PTPRT: variants seen among roughly 807,000 people sequenced by gnomAD.
PTPRT encodes receptor-type tyrosine-protein phosphatase T.
Under a neutral mutation model 176.8 loss-of-function variants are expected in PTPRT, and 56 were observed. The ratio of observed to expected loss-of-function variants is 0.32; its 90% CI spans 0.26 to 0.40. The LOEUF (loss-of-function observed/expected upper bound fraction) is 0.40, where lower values mean the gene tolerates loss of function less well. Ranked by LOEUF, PTPRT falls within the 10% of genes least tolerant of loss-of-function variation. PTPRT has a pLI of 1.00. For missense variants in PTPRT, 1,540 were observed against 1,908.2 expected, an observed-to-expected ratio of 0.81 and a Z score of 3.60; for synonymous variants, 783 against 739.0, an observed-to-expected ratio of 1.06 and a Z score of -0.96.
At chr20:42,060,312 CA>C in the PTPRT span, among the ~76,000 whole-genome samples, 1 of 152,166 alleles carries the variant, frequency 6.6e-6, no homozygotes, top group Admixed American at 6.5e-5. Context: ...TTGACCTTCA[CA>C]GATCCAAGCC....
intron 7 of PTPRT, among the ~76,000 whole-genome samples, chr20:42,569,090 A>ATTTT (rs1271635197): frequency 2.2e-4 from 23 of 106,368 alleles, no homozygotes; most frequent in African/African-American, 8.6e-4. Flanking sequence ...AAATATATAT[A>ATTTT]TATATATATA....
intron 6 of PTPRT, among the ~76,000 whole-genome samples, chr20:42,748,181 T>C (rs1239713624): frequency 6.6e-6 from 1 of 152,174 alleles, no homozygotes; most frequent in Non-Finnish European, 1.5e-5. Flanking sequence ...GCTGAAACTA[T>C]TGACTCTAAT....
chr20:42,954,588 C>T (rs563713826), intron 1 of PTPRT, among the ~76,000 whole-genome samples: 3 of 151,876 alleles, frequency 2.0e-5, no homozygotes, highest in Non-Finnish European at 4.4e-5. Context: ...ATAGAAGATG[C>T]TCAGTCAACG....
chr20:42,702,469 T>C (rs2075987930), intron 6 of PTPRT, among the ~76,000 whole-genome samples: 2 of 152,194 alleles, frequency 1.3e-5, no homozygotes, highest in African/African-American at 2.4e-5. Flanking sequence ...TTTCCAGTCC[T>C]GAATGCATTC....
At chr20:42,729,770 G>C (rs539958109) in intron 6 of PTPRT, among the ~76,000 whole-genome samples, 2 of 152,242 alleles carry the variant, frequency 1.3e-5, no homozygotes, top group East Asian at 1.9e-4. Flanking sequence ...GACTTGACTG[G>C]AGGCTCTCCC....
chr20:42,888,635 C>T (rs1338305363), intron 1 of PTPRT, among the ~76,000 whole-genome samples: 1 of 152,172 alleles, frequency 6.6e-6, no homozygotes, highest in Non-Finnish European at 1.5e-5. Context: ...ATTATTCCCC[C>T]AAACCAAGGA....
At chr20:42,879,699 C>T (rs888545701) in intron 2 of PTPRT, among the ~76,000 whole-genome samples, 3 of 151,726 alleles carry the variant, frequency 2.0e-5, no homozygotes, top group East Asian at 1.9e-4. Flanking sequence ...ACCCTGGAGA[C>T]GGTGCTGCTT....
chr20:42,486,839 A>T (rs2071472558), intron 7 of PTPRT, among the ~76,000 whole-genome samples: 1 of 152,104 alleles, frequency 6.6e-6, no homozygotes. Context: ...AAGCCAACCC[A>T]TGTAGGAGCT....
intron 26 of PTPRT, among the ~76,000 whole-genome samples, chr20:42,099,175 TATTCATTC>T (rs1600503749): frequency 6.6e-6 from 1 of 151,888 alleles, no homozygotes; most frequent in South Asian, 2.1e-4. Flanking sequence ...TTTGCCCATT[TATTCATTC>T]ATCCATTCAT....
At chr20:42,849,779 C>A (rs765976556) in intron 2 of PTPRT, among the ~76,000 whole-genome samples, 2 of 152,208 alleles carry the variant, frequency 1.3e-5, no homozygotes, top group Non-Finnish European at 2.9e-5. Flanking sequence ...TTTTCTAGAA[C>A]AGCACCCAAC....
At chr20:43,113,229 G>T (rs935010670) in intron 1 of PTPRT, among the ~76,000 whole-genome samples, 1 of 152,180 alleles carries the variant, frequency 6.6e-6, no homozygotes, top group African/African-American at 2.4e-5. Context: ...CATCCATGAT[G>T]AACTTTGCTG....
intron 1 of PTPRT, among the ~76,000 whole-genome samples, chr20:43,159,417 C>A (rs1368776754): frequency 4.6e-5 from 7 of 152,204 alleles, no homozygotes. Flanking sequence ...GGCAATTCAC[C>A]CAGCTTCTCT....
chr20:42,737,141 G>A (rs1339290234), intron 6 of PTPRT, among the ~76,000 whole-genome samples: 4 of 152,186 alleles, frequency 2.6e-5, no homozygotes, highest in Non-Finnish European at 2.9e-5. Flanking sequence ...CTTTGTAGAT[G>A]TAATCAAGCC....
intron 9 of PTPRT, among the ~76,000 whole-genome samples, chr20:42,385,335 C>A (rs541816093): frequency 2.0e-5 from 3 of 152,096 alleles, no homozygotes; most frequent in Admixed American, 2.0e-4. Context: ...GGGCATTATG[C>A]TAAGTGAAAT....
intron 1 of PTPRT, among the ~76,000 whole-genome samples, chr20:43,056,726 A>C (rs552943545): frequency 6.6e-6 from 1 of 152,316 alleles, no homozygotes; most frequent in Non-Finnish European, 1.5e-5. Context: ...CATAAAAAGA[A>C]CCTTGTTATA....
intron 7 of PTPRT, among the ~76,000 whole-genome samples, chr20:42,587,721 C>T (rs540102450): frequency 2.6e-5 from 4 of 152,274 alleles, no homozygotes; most frequent in South Asian, 2.1e-4. Context: ...ACAGGAGGTA[C>T]TTGGCACAGT....
chr20:42,469,943 A>G (rs1164120100), intron 8 of PTPRT, among the ~76,000 whole-genome samples: 2 of 152,198 alleles, frequency 1.3e-5, no homozygotes, highest in African/African-American at 4.8e-5. Flanking sequence ...TCAGGGTCAT[A>G]ACTCTGAAGT....
the PTPRT span, among the ~76,000 whole-genome samples, chr20:42,056,878 G>A: frequency 2.0e-5 from 3 of 152,158 alleles, no homozygotes; most frequent in Non-Finnish European, 2.9e-5. Context: ...CTTCTTGGAG[G>A]AGGTCTCTTT....
Position 43,090,459 on chromosome 20 carries a change from A to T in PTPRT, c.88+99187T>A, listed in dbSNP as rs2425582. ...ATTTTTTTGTATTTTTAGTAGAGAC[A>T]GGGTTTCACCGTTTTAGCCAGGATG... On this transcript the variant is annotated intron_variant, in intron 1 of 30. Coordinates refer to ENST00000373187, the MANE Select transcript of PTPRT (RefSeq NM_007050.6). 2.0e-5 allele frequency among the ~76,000 whole-genome samples: 3 copies of T among 151,998 alleles called. No homozygotes were observed. The South Asian group carries it at 6.2e-4, about 31-fold the overall frequency.
Sources: gnomAD v4.1 joint callset for allele counts (sites outside exome capture counted in the v4.1 genomes callset) on GRCh38, gnomAD v4.1.1 for gene constraint, MANE v1.5 for transcripts, NCBI Gene and HGNC (gene_info 2026-07-23, HGNC 2026-07-21) for gene names.